The following NOVA1 variants were observed in gnomAD, a reference collection of about 807,000 sequenced individuals.
NOVA1 encodes the protein RNA-binding protein Nova-1.
NOVA1 carries 7 observed loss-of-function variants against 38.0 expected under a neutral mutation model. That is an observed-to-expected ratio of 0.18 (90% CI 0.10 to 0.35). NOVA1 has a LOEUF of 0.35. NOVA1 is among the 10% of genes least tolerant of loss of function. NOVA1 has a pLI of 1.00. For missense variants in NOVA1, 460 were observed against 616.0 expected, an observed-to-expected ratio of 0.75 and a Z score of 2.68; for synonymous variants, 270 against 232.5, an observed-to-expected ratio of 1.16 and a Z score of -1.47.
intron 2 of NOVA1, among the ~76,000 whole-genome samples, chr14:26,590,453 T>C (rs1893774860): frequency 6.6e-6 from 1 of 151,894 alleles, no homozygotes; most frequent in Admixed American, 6.6e-5. Context: ...GTCAAAAATA[T>C]TTATTAGGTG....
intron 2 of NOVA1, among the ~76,000 whole-genome samples, chr14:26,577,420 C>T (rs1227803743): frequency 6.6e-6 from 1 of 152,064 alleles, no homozygotes; most frequent in Non-Finnish European, 1.5e-5. Flanking sequence ...TTAGTCTGGT[C>T]AACCAAGTAA....
chr14:26,559,535 C>T (rs1234664977), intron 2 of NOVA1, among the ~76,000 whole-genome samples: 10 of 152,080 alleles, frequency 6.6e-5, no homozygotes, highest in Non-Finnish European at 1.5e-4. Context: ...ATACCACATA[C>T]ACATGGAAGT....
intron 2 of NOVA1, among the ~76,000 whole-genome samples, chr14:26,544,691 TGAGA>T (rs144125906): frequency 2.6e-5 from 4 of 151,228 alleles, no homozygotes; most frequent in South Asian, 2.1e-4. Context: ...AATGAAAGAA[TGAGA>T]GAGAGAAAGA....
chr14:26,518,013 A>C (rs1025058657), intron 2 of NOVA1, among the ~76,000 whole-genome samples: 1 of 152,188 alleles, frequency 6.6e-6, no homozygotes, highest in Non-Finnish European at 1.5e-5. Context: ...ACTACAGTTA[A>C]TTGGACTTCC....
intron 2 of NOVA1, among the ~76,000 whole-genome samples, chr14:26,510,317 A>G (rs984751517): frequency 6.6e-6 from 1 of 152,172 alleles, no homozygotes; most frequent in African/African-American, 2.4e-5. Flanking sequence ...GTTATTGTTT[A>G]TAGAATGTTA....
At chr14:26,524,143 CCT>C (rs1161868541) in intron 2 of NOVA1, among the ~76,000 whole-genome samples, 1 of 152,068 alleles carries the variant, frequency 6.6e-6, no homozygotes, top group Non-Finnish European at 1.5e-5. Context: ...TTCACCAACC[CCT>C]GTGTTTGAGT....
chr14:26,477,825 T>G (rs1325797791), intron 3 of NOVA1, among the ~76,000 whole-genome samples: 1 of 151,932 alleles, frequency 6.6e-6, no homozygotes, highest in Admixed American at 6.6e-5. Flanking sequence ...TCTGACTGAT[T>G]TATAATATTT....
At chr14:26,589,505 C>T (rs1893716843) in intron 2 of NOVA1, among the ~76,000 whole-genome samples, 1 of 151,690 alleles carries the variant, frequency 6.6e-6, no homozygotes, top group South Asian at 2.1e-4. Context: ...TACACCTGTC[C>T]TGTTTGTTGG....
intron 2 of NOVA1, among the ~76,000 whole-genome samples, chr14:26,553,747 T>C (rs956185868): frequency 6.6e-6 from 1 of 151,706 alleles, no homozygotes; most frequent in African/African-American, 2.4e-5. Context: ...AAAAAGACAA[T>C]TCAGAAATGG....
intron 1 of NOVA1, 80 bp downstream of exon 1, chr14:26,597,221 G>C: frequency 8.8e-7 from 1 of 1,140,138 alleles, no homozygotes; most frequent in Non-Finnish European, 1.1e-6. Flanking sequence ...GAGGGAAGGA[G>C]GGAGGGAGGA....
At chr14:26,450,205 A>G (rs2138559984) in intron 4 of NOVA1, among the ~76,000 whole-genome samples, 1 of 152,302 alleles carries the variant, frequency 6.6e-6, no homozygotes, top group South Asian at 2.1e-4. Context: ...GGATTTCATT[A>G]GCTAATTTTT....
intron 2 of NOVA1, among the ~76,000 whole-genome samples, chr14:26,552,354 A>G (rs1206873788): frequency 6.6e-6 from 1 of 152,134 alleles, no homozygotes; most frequent in Non-Finnish European, 1.5e-5. Context: ...GCATTTAAGT[A>G]AGTATTTTAT....
chr14:26,583,777 A>G (rs967883007), intron 2 of NOVA1, among the ~76,000 whole-genome samples: 4 of 151,450 alleles, frequency 2.6e-5, no homozygotes, highest in Admixed American at 1.3e-4. Flanking sequence ...AAAAAATTAC[A>G]TAACAGAGAA....
intron 4 of NOVA1, among the ~76,000 whole-genome samples, chr14:26,458,704 C>T (rs1308788255): frequency 3.3e-5 from 5 of 151,968 alleles, no homozygotes; most frequent in Non-Finnish European, 7.4e-5. Context: ...TGAAAAACTA[C>T]CTATCGGGCA....
At chr14:26,544,773 A>G (rs938621682) in intron 2 of NOVA1, among the ~76,000 whole-genome samples, 3 of 152,034 alleles carry the variant, frequency 2.0e-5, no homozygotes, top group Non-Finnish European at 4.4e-5. Context: ...TGCAAATAAC[A>G]GCACTTAAAC....
chr14:26,517,330 A>G (rs1193613607), intron 2 of NOVA1, among the ~76,000 whole-genome samples: 1 of 152,006 alleles, frequency 6.6e-6, no homozygotes, highest in African/African-American at 2.4e-5. Context: ...TTCCTCACAA[A>G]ATACCGCTCC....
At chr14:26,463,013 G>A (rs575739412) in intron 4 of NOVA1, among the ~76,000 whole-genome samples, 134 of 152,172 alleles carry the variant, frequency 8.8e-4, no homozygotes, top group African/African-American at 3.1e-3. Flanking sequence ...TAAAGATAGG[G>A]CCAAATGTTT....
intron 2 of NOVA1, among the ~76,000 whole-genome samples, chr14:26,506,834 C>T (rs2138432511): frequency 6.6e-6 from 1 of 152,270 alleles, no homozygotes; most frequent in South Asian, 2.1e-4. Flanking sequence ...CCCGCCTCTG[C>T]CTCCCAAAGT....
At chr14:26,473,035 C>A (rs1313569137) in intron 3 of NOVA1, among the ~76,000 whole-genome samples, 4 of 151,818 alleles carry the variant, frequency 2.6e-5, no homozygotes, top group Admixed American at 1.3e-4. Flanking sequence ...AAACAGGTAA[C>A]TAATAGCATT....
Sources: allele counts gnomAD v4.1 joint callset (sites outside exome capture counted in the v4.1 genomes callset), GRCh38; gene constraint gnomAD v4.1.1; transcripts MANE v1.5; gene names NCBI Gene and HGNC (gene_info 2026-07-23, HGNC 2026-07-21).